The following DGKB variants were observed in gnomAD, a reference collection of about 807,000 sequenced individuals.
DGKB encodes the protein 90 kDa diacylglycerol kinase.
In DGKB, 67 loss-of-function variants were observed where a neutral mutation model predicts 114.3. The ratio of observed to expected loss-of-function variants is 0.59; its 90% CI spans 0.48 to 0.72. DGKB has a LOEUF of 0.72. Ranked by LOEUF, DGKB falls within the 30% of genes least tolerant of loss-of-function variation. The pLI is 0.00. For synonymous variants in DGKB, 398 were observed against 323.1 expected (o/e 1.23, Z -2.49); for missense variants, 907 against 975.2 (o/e 0.93, Z 0.93).
chr7:14,973,830 T>C (rs184435085), intron 1 of DGKB, among the ~76,000 whole-genome samples: 18 of 148,220 alleles, frequency 1.2e-4, no homozygotes, highest in Admixed American at 8.8e-4. Context: ...ATAAATTACA[T>C]ATAAAAATAA....
At chr7:14,329,092 A>G (rs1364035415) in intron 23 of DGKB, among the ~76,000 whole-genome samples, 2 of 152,016 alleles carry the variant, frequency 1.3e-5, no homozygotes, top group Admixed American at 6.6e-5. Flanking sequence ...AATTAGCTCT[A>G]TATAATAAAA....
intron 20 of DGKB, among the ~76,000 whole-genome samples, chr7:14,537,230 T>C (rs1463034401): frequency 1.3e-5 from 2 of 152,278 alleles, no homozygotes; most frequent in East Asian, 3.9e-4. Context: ...ATTATTAAAA[T>C]ATTCATTCTA....
At position 14,185,228 on chromosome 7, in the gene DGKB, G is replaced by A. The variant is rs545941776; in HGVS notation, c.2123-7077C>T. 2.6e-5 allele frequency among the ~76,000 whole-genome samples: 4 copies of A among 152,142 alleles called. No homozygotes were observed. The East Asian group carries it at 5.8e-4, about 22-fold the overall frequency. On this transcript the variant is annotated intron_variant, in intron 23 of 25. Transcript: ENST00000402815. ...AGTAGCTCTTGTACACAATAATGGC[G>A]ACCAAGTGGAGAATCAAATAAAGAA...
chr7:14,449,225 A>G (rs1294298444), intron 21 of DGKB, among the ~76,000 whole-genome samples: 1 of 152,088 alleles, frequency 6.6e-6, no homozygotes, highest in Non-Finnish European at 1.5e-5. Context: ...TTAGGGAATT[A>G]TTATTTTTTG....
chr7:14,264,177 G>C (rs1242731585), intron 23 of DGKB, among the ~76,000 whole-genome samples: 1 of 152,140 alleles, frequency 6.6e-6, no homozygotes, highest in Non-Finnish European at 1.5e-5. Flanking sequence ...AGATGACAGT[G>C]GATTGACTGT....
intron 17 of DGKB, among the ~76,000 whole-genome samples, chr7:14,593,831 A>AC (rs1410375815): frequency 6.6e-6 from 1 of 151,564 alleles, no homozygotes; most frequent in African/African-American, 2.4e-5. Flanking sequence ...AAAAAAAGAA[A>AC]AAAACAACAC....
At chr7:14,631,315 C>T (rs772744035) in intron 13 of DGKB, among the ~76,000 whole-genome samples, 1 of 146,796 alleles carries the variant, frequency 6.8e-6, no homozygotes, top group Non-Finnish European at 1.5e-5. Context: ...ATAGGTAAAA[C>T]CTGACACCCT....
chr7:14,639,942 G>A (rs992400125), intron 13 of DGKB, among the ~76,000 whole-genome samples: 29 of 152,242 alleles, frequency 1.9e-4, no homozygotes, highest in African/African-American at 6.0e-4. Context: ...GGTTGAGAAG[G>A]AAGAGAGGAA....
chr7:14,413,293 A>G (rs1487047594), intron 21 of DGKB, among the ~76,000 whole-genome samples: 1 of 152,202 alleles, frequency 6.6e-6, no homozygotes, highest in South Asian at 2.1e-4. Context: ...TGAAGATGAC[A>G]TAGAACTTTT....
chr7:14,735,041 G>A (rs943427876), intron 5 of DGKB, among the ~76,000 whole-genome samples: 2 of 152,102 alleles, frequency 1.3e-5, no homozygotes, highest in Non-Finnish European at 2.9e-5. Context: ...GCCCGGTGGC[G>A]GTAGCATGTT....
chr7:14,598,026 A>G (rs1802891473), intron 17 of DGKB, among the ~76,000 whole-genome samples: 1 of 152,164 alleles, frequency 6.6e-6, no homozygotes, highest in African/African-American at 2.4e-5. Context: ...CAGAATCTAC[A>G]TTCAAATTAT....
intron 21 of DGKB, among the ~76,000 whole-genome samples, chr7:14,470,649 A>T (rs1187774269): frequency 6.6e-6 from 1 of 151,878 alleles, no homozygotes; most frequent in African/African-American, 2.4e-5. Flanking sequence ...AGGAAAATAA[A>T]TACAAATATC....
chr7:14,269,867 G>C (rs1798027164), intron 23 of DGKB, among the ~76,000 whole-genome samples: 2 of 151,862 alleles, frequency 1.3e-5, no homozygotes, highest in Admixed American at 1.3e-4. Context: ...TTATAACACA[G>C]TTTCTTTAAA....
intron 21 of DGKB, among the ~76,000 whole-genome samples, chr7:14,399,609 T>C (rs944657881): frequency 6.6e-6 from 1 of 151,876 alleles, no homozygotes; most frequent in African/African-American, 2.4e-5. Flanking sequence ...GACTGTCCTA[T>C]ATATTTACTT....
chr7:14,870,063 T>C (rs1852228647), intron 1 of DGKB, among the ~76,000 whole-genome samples: 1 of 152,202 alleles, frequency 6.6e-6, no homozygotes, highest in Non-Finnish European at 1.5e-5. Flanking sequence ...GTCTTGGCTC[T>C]AGATGCTCTT....
chr7:14,429,923 TC>T (rs11299453), intron 21 of DGKB, among the ~76,000 whole-genome samples: 125,503 of 147,728 alleles, frequency 0.85, 52,940 homozygotes, highest in Non-Finnish European at 0.92. Context: ...TGAGACTCTG[TC>T]CCCCCCCCCA....
chr7:14,889,870 T>A (rs1208529303), intron 1 of DGKB, among the ~76,000 whole-genome samples: 1 of 151,558 alleles, frequency 6.6e-6, no homozygotes, highest in East Asian at 1.9e-4. Context: ...GTCAAGGAAG[T>A]ATTTCTGCAA....
chr7:14,373,019 A>G (rs1178932313), intron 21 of DGKB, among the ~76,000 whole-genome samples: 1 of 152,200 alleles, frequency 6.6e-6, no homozygotes, highest in Non-Finnish European at 1.5e-5. Flanking sequence ...ATAAGGTGTT[A>G]GGAAACATGA....
intron 25 of DGKB, chr7:14,176,273 T>C (rs1781726927): frequency 2.1e-6 from 2 of 935,592 alleles, no homozygotes; most frequent in Non-Finnish European, 2.5e-6. Context: ...TGCAATAAAA[T>C]ATTCACTATG....
Sources: gnomAD v4.1 joint callset for allele counts (sites outside exome capture counted in the v4.1 genomes callset) on GRCh38, gnomAD v4.1.1 for gene constraint, MANE v1.5 for transcripts, NCBI Gene and HGNC (gene_info 2026-07-23, HGNC 2026-07-21) for gene names.